CFAP99: variants seen among roughly 807,000 people sequenced by gnomAD.
CFAP99 encodes cilia and flagella associated protein 99, also known as cilia- and flagella-associated protein 99.
CFAP99 carries 84 observed loss-of-function variants against 82.7 expected under a neutral mutation model. The observed-to-expected ratio is 1.02, with a 90% confidence interval of 0.85 to 1.22. The LOEUF (loss-of-function observed/expected upper bound fraction) is 1.22. Ranked by LOEUF, CFAP99 falls within the 50% of genes most tolerant of loss-of-function variation. The pLI, the probability that CFAP99 is intolerant of heterozygous loss-of-function variation, is 0.00. For synonymous variants in CFAP99, 456 were observed against 429.5 expected, an observed-to-expected ratio of 1.06 and a Z score of -0.76; for missense variants, 1,059 against 983.5, an observed-to-expected ratio of 1.08 and a Z score of -1.03.
Position 2,462,495 on chromosome 4 carries a change from G to C in CFAP99, c.1714G>C (p.Glu572Gln). The C allele has an allele frequency of 6.8e-7, 1 of 1,477,504 alleles. No homozygotes were observed. Among genetic ancestry groups the C allele is most frequent in the Middle Eastern group, 2.4e-4 (1 of 4,220 alleles). The allele number at this position is 1,477,504 out of a possible 1,614,324, so 91.5% of individuals were successfully genotyped here. A position where few individuals can be genotyped will look rare whatever the true frequency, so the allele number is the denominator to read the frequency against. The stretch of plus-strand genomic sequence containing the variant: ...GGCCCCGGCGGCGCCCTCGCAGGAC[G>C]AGCGCGTGCAGCAGCTGCGGCGCAG... Residue 572 changes from glutamate to glutamine, a missense_variant, in exon 15 of 15, where the codon GAG becomes CAG. Glu to Gln is a conservative substitution (Grantham distance 29). Transcript: ENST00000635017. The surrounding 1 kb of genome is among the most constrained non-coding windows in gnomAD (Gnocchi z 4.1).
At chr4:2,461,543 G>C (rs886153441) in intron 14 of CFAP99, among the ~76,000 whole-genome samples, 2 of 152,190 alleles carry the variant, frequency 1.3e-5, no homozygotes, top group African/African-American at 4.8e-5. Flanking sequence ...CACACACCTG[G>C]ACAGCTCATC....
intron 3 of CFAP99, among the ~76,000 whole-genome samples, chr4:2,437,598 A>C (rs1206177804): frequency 6.6e-6 from 1 of 152,132 alleles, no homozygotes; most frequent in South Asian, 2.1e-4. Context: ...TGAGCTGAGC[A>C]GCTGATGCCA....
intron 12 of CFAP99, 110 bp downstream of exon 12, chr4:2,458,974 C>A (rs553178349): frequency 6.9e-7 from 1 of 1,450,270 alleles, no homozygotes; most frequent in Admixed American, 2.5e-5. Flanking sequence ...TCAGGGACCC[C>A]TTGAGGGAGG....
At chr4:2,421,926 A>G (rs1000922067) in intron 1 of CFAP99, among the ~76,000 whole-genome samples, 4 of 151,816 alleles carry the variant, frequency 2.6e-5, no homozygotes, top group Non-Finnish European at 5.9e-5. Context: ...GCGTGGTAGT[A>G]CATGCCTAGA....
rs1338970191 is a variant in CFAP99 at position 2,460,248 on chromosome 4, T to A, written c.1661+6T>A. 2 of 1,535,858 alleles carry A rather than the reference T, an allele frequency of 1.3e-6. No individual in the cohort carries two copies. Among genetic ancestry groups the A allele is most frequent in the Admixed American group, 2.0e-5 (1 of 50,992 alleles). On this transcript the variant is annotated splice_donor_region_variant and intron_variant, in intron 14 of 14. Coordinates refer to ENST00000635017, the Ensembl canonical transcript of CFAP99. ...GGGAGATCCGCAGCCTTGAGGTTGG[T>A]ACTGGGCTCGGGGAGGGTGCCTCTG... is the stretch of plus-strand genomic sequence containing the variant.
chr4:2,440,045 T>C (rs1053033762), intron 4 of CFAP99, among the ~76,000 whole-genome samples: 13 of 151,752 alleles, frequency 8.6e-5, no homozygotes, highest in African/African-American at 3.2e-4. Flanking sequence ...TTTCACCATG[T>C]TGGCCAGGCT....
intron 1 of CFAP99, among the ~76,000 whole-genome samples, chr4:2,421,348 C>CG (rs1195060049): frequency 9.3e-5 from 10 of 107,982 alleles, no homozygotes; most frequent in Non-Finnish European, 1.5e-4. Flanking sequence ...AGTCTGCCCA[C>CG]CCTTTTTTTT....
exon 12 of CFAP99, chr4:2,458,861 A>G (rs912353882): frequency 6.5e-7 from 1 of 1,534,288 alleles, no homozygotes; most frequent in Non-Finnish European, 8.7e-7. Flanking sequence ...CCGACAGCAG[A>G]CAGGTAGTCA....
Position 2,462,446 on chromosome 4 carries a change from GGA to G in CFAP99, c.1667_1668del (p.Glu556GlyfsTer?). ...AGCCCGCCGCGTCGCCCGCCAGGTG[GGA>G]GGAAAAGAAGGCCCTTGCGGCGGCC... On this transcript the variant is annotated frameshift_variant, in exon 15 of 15. Coordinates refer to ENST00000635017, the Ensembl canonical transcript of CFAP99. LOFTEE classifies it low-confidence loss of function (END_TRUNC). The surrounding 1 kb of genome is among the most constrained non-coding windows in gnomAD (Gnocchi z 4.1). The G allele has an allele frequency of 6.9e-7, 1 of 1,451,494 alleles. No homozygotes were observed. The highest frequency in any genetic ancestry group is 9.0e-7 in the Non-Finnish European group (1 of 1,113,428). The allele number at this position is 1,451,494 out of a possible 1,614,324, so 89.9% of individuals were successfully genotyped here.
intron 1 of CFAP99, among the ~76,000 whole-genome samples, chr4:2,420,260 T>A (rs972751451): frequency 6.6e-6 from 1 of 152,050 alleles, no homozygotes; most frequent in Non-Finnish European, 1.5e-5. Flanking sequence ...TTACATGGTT[T>A]TATAAACAAC....
chr4:2,437,792 A>G (rs1346199309), intron 3 of CFAP99, among the ~76,000 whole-genome samples: 1 of 152,226 alleles, frequency 6.6e-6, no homozygotes, highest in Non-Finnish European at 1.5e-5. Context: ...ATTGACAAAC[A>G]AGTCCAAAAT....
chr4:2,449,408 G>A (rs143977643), intron 6 of CFAP99, among the ~76,000 whole-genome samples: 1 of 152,036 alleles, frequency 6.6e-6, no homozygotes, highest in Non-Finnish European at 1.5e-5. Flanking sequence ...AGTACTGCCG[G>A]CTCATGTCTT....
At chr4:2,421,244 G>C (rs1409795497) in intron 1 of CFAP99, among the ~76,000 whole-genome samples, 1 of 152,008 alleles carries the variant, frequency 6.6e-6, no homozygotes, top group African/African-American at 2.4e-5. Flanking sequence ...TAGTGGTTGA[G>C]AGTGTTGAGC....
intron 4 of CFAP99, among the ~76,000 whole-genome samples, chr4:2,439,318 C>G (rs1253563707): frequency 1.3e-5 from 2 of 152,236 alleles, no homozygotes; most frequent in Non-Finnish European, 2.9e-5. Flanking sequence ...TGGCTTGCTC[C>G]TCCTTACTCT....
At chr4:2,434,543 CT>C (rs1733871252) in intron 2 of CFAP99, among the ~76,000 whole-genome samples, 2 of 152,220 alleles carry the variant, frequency 1.3e-5, no homozygotes, top group Admixed American at 1.3e-4. Context: ...GAACCTTGTG[CT>C]TAAAGCCGTT....
At chr4:2,457,124 G>T (rs1004500505) in intron 11 of CFAP99, among the ~76,000 whole-genome samples, 1 of 151,716 alleles carries the variant, frequency 6.6e-6, no homozygotes, top group South Asian at 2.1e-4. Context: ...GGCTAGTTTT[G>T]TATTTTCTGT....
At chr4:2,456,331 C>T (rs1283641789) in intron 11 of CFAP99, among the ~76,000 whole-genome samples, 1 of 151,936 alleles carries the variant, frequency 6.6e-6, no homozygotes, top group Non-Finnish European at 1.5e-5. Context: ...CCATGCCTGG[C>T]CTACAGTCAC....
rs527434900 is a variant in CFAP99 at position 2,446,072 on chromosome 4, G to T, written c.642+764G>T. ...AACGTGGTTCTGCAACAGGACTAAG[G>T]GCTATATGGGAGGGGAAGGGGATGG... On this transcript the variant is annotated intron_variant, in intron 6 of 14. Coordinates refer to ENST00000635017, the Ensembl canonical transcript of CFAP99. This position sits in a 1 kb window ranked among gnomAD's most constrained non-coding sequence, Gnocchi z 5.0. Among the ~76,000 whole-genome samples, 1 of 152,184 alleles carries T rather than the reference G, an allele frequency of 6.6e-6. No individual in the cohort carries two copies. The highest frequency in any genetic ancestry group is 2.4e-5 in the African/African-American group (1 of 41,440).
chr4:2,426,331 C>A (rs1206864589), intron 1 of CFAP99, 128 bp from the exon 2 acceptor site: 4 of 652,488 alleles, frequency 6.1e-6, no homozygotes, highest in East Asian at 5.6e-5. Flanking sequence ...CTAGCCAGGG[C>A]CCCCAGTCAC....
Sources: allele counts gnomAD v4.1 joint callset (sites outside exome capture counted in the v4.1 genomes callset), GRCh38; gene constraint gnomAD v4.1.1; non-coding constraint Gnocchi (gnomAD v3.1); transcripts MANE v1.5; gene names NCBI Gene and HGNC (gene_info 2026-07-23, HGNC 2026-07-21).